TBXA2R: variants seen among roughly 807,000 people sequenced by gnomAD.
The protein encoded by TBXA2R is prostanoid TP receptor.
A neutral mutation model predicts 15.6 loss-of-function variants in TBXA2R; 15 were observed. The ratio of observed to expected loss-of-function variants is 0.96; its 90% CI spans 0.64 to 1.48. The LOEUF (loss-of-function observed/expected upper bound fraction) is 1.48. Ranked by LOEUF, TBXA2R falls within the 40% of genes most tolerant of loss-of-function variation. The probability of loss-of-function intolerance (pLI) is 0.00; values close to 1 mark genes in which losing one functional copy is unlikely to be tolerated. For synonymous variants in TBXA2R, 280 were observed against 241.2 expected (o/e 1.16, Z -1.49); for missense variants, 506 against 491.4 (o/e 1.03, Z -0.28).
At position 3,595,787 on chromosome 19, in the gene TBXA2R, G is replaced by C; in HGVS notation, c.933C>G (p.Phe311Leu). The change falls in exon 3 of 3, where the codon TTC becomes TTG. Residue 311 changes from phenylalanine to leucine, a missense_variant. By Grantham distance (22) the Phe-to-Leu change is conservative. Transcript: ENST00000375190. ...QILDPWVYIL[F>L]RRAVLRRLQP... is the part of the protein sequence containing the mutation. ...GGAGACGCCGGAGCACGGCGCGGCGGAACAGGATATACACCCAGGGGTCCA... is the reference window on the plus strand; with the variant it reads ...GGAGACGCCGGAGCACGGCGCGGCGCAACAGGATATACACCCAGGGGTCCA... 1.9e-6 allele frequency: 3 copies of C among 1,610,846 alleles called. No individual in the cohort carries two copies. The highest frequency in any genetic ancestry group is 2.5e-6 in the Non-Finnish European group (3 of 1,178,978).
chr19:3,605,420 C>G (rs1038319907), intron 1 of TBXA2R, among the ~76,000 whole-genome samples: 1 of 151,390 alleles, frequency 6.6e-6, no homozygotes, highest in African/African-American at 2.4e-5. Context: ...AGAAACACAG[C>G]AGGCAGACGC....
intron 1 of TBXA2R, among the ~76,000 whole-genome samples, chr19:3,602,851 A>C (rs996199196): frequency 2.0e-5 from 3 of 151,544 alleles, no homozygotes; most frequent in African/African-American, 7.3e-5. Flanking sequence ...CCTGGCTAAC[A>C]CGGTGAAACC....
intron 1 of TBXA2R, among the ~76,000 whole-genome samples, chr19:3,602,175 C>T (rs781325857): frequency 6.6e-6 from 1 of 151,878 alleles, no homozygotes; most frequent in Non-Finnish European, 1.5e-5. Context: ...GAGCTGAGAT[C>T]GTGCCACTGC....
At chr19:3,595,998 C>A in intron 2 of TBXA2R, 65 bp from the exon 3 acceptor site, 1 of 1,544,986 alleles carries the variant, frequency 6.5e-7, no homozygotes, top group Non-Finnish European at 8.7e-7. Flanking sequence ...GGTCCCTGCC[C>A]GGGGTCCCTT....
In TBXA2R at chr19:3,599,954, G is replaced by A. The variant is rs779235776; in HGVS notation, c.681C>T (p.His227=). 4 of 1,575,372 alleles carry A rather than the reference G, an allele frequency of 2.5e-6. No homozygotes were observed. The highest frequency in any genetic ancestry group is 3.4e-6 in the Non-Finnish European group (4 of 1,161,964). Residue 227 remains histidine, a synonymous_variant, in exon 2 of 3, where the codon CAC becomes CAT. Transcript: ENST00000375190. ...GACGCTGCTGGGCCGCCTCCTGCCC[G>A]TGGTAGACGTGGCACAGGGTGGCCA... ...VSVATLCHVY[H]GQEAAQQRPR...
Position 3,600,340 on chromosome 19 carries a change from C to CCACGGCGTGCCACTCGAAGAG in TBXA2R, c.274_294dup (p.Leu92_Val98dup). The CCACGGCGTGCCACTCGAAGAG allele has an allele frequency of 2.5e-6, 4 of 1,613,262 alleles. No homozygotes were observed. Among genetic ancestry groups the CCACGGCGTGCCACTCGAAGAG allele is most frequent in the Non-Finnish European group, 3.4e-6 (4 of 1,179,842 alleles). On this transcript the variant is annotated inframe_insertion, in exon 2 of 3. Transcript: ENST00000375190. Reference sequence around the variant, plus strand: ...AAGCGACAGAGACGGCAGCCAGGGTCCACGGCGTGCCACTCGAAGAGCGCG... The same window carrying CCACGGCGTGCCACTCGAAGAG: ...AAGCGACAGAGACGGCAGCCAGGGTCCACGGCGTGCCACTCGAAGAGCACGGCGTGCCACTCGAAGAGCGCG...
chr19:3,603,023 G>C (rs1251306969), intron 1 of TBXA2R, among the ~76,000 whole-genome samples: 4 of 146,416 alleles, frequency 2.7e-5, no homozygotes, highest in Non-Finnish European at 4.6e-5. Flanking sequence ...GCGACAGAGC[G>C]AGACTCCATC....
At chr19:3,605,597 CAGAT>C (rs757506955) in intron 1 of TBXA2R, among the ~76,000 whole-genome samples, 57 of 151,808 alleles carry the variant, frequency 3.8e-4, no homozygotes, top group African/African-American at 8.0e-4. Flanking sequence ...CAGACACACA[CAGAT>C]AGACACACAC....
At chr19:3,602,753 T>G in intron 1 of TBXA2R, among the ~76,000 whole-genome samples, 1 of 97,010 alleles carries the variant, frequency 1.0e-5, no homozygotes, top group South Asian at 3.0e-4. Context: ...AGAGCAAAAC[T>G]CCGTCTCAAA....
Position 3,599,981 on chromosome 19 carries a change from G to T in TBXA2R, c.654C>A (p.Ser218Arg). Reference protein sequence around the residue: ...VGLSFLLNTVSVATLCHVYHG... With the variant: ...VGLSFLLNTVRVATLCHVYHG... ...GGTAGACGTGGCACAGGGTGGCCAC[G>T]CTGACCGTGTTCAGCAGGAAGGACA... Residue 218 changes from serine (S) to arginine (R), a missense_variant, in exon 2 of 3, where the codon AGC (serine) becomes AGA (arginine). Transcript: ENST00000375190. The T allele has an allele frequency of 6.2e-7, 1 of 1,601,980 alleles. No homozygotes were observed. Among genetic ancestry groups the T allele is most frequent in the Non-Finnish European group, 8.5e-7 (1 of 1,175,148 alleles).
chr19:3,598,331 TC>T (rs2032641228), intron 2 of TBXA2R, among the ~76,000 whole-genome samples: 2 of 149,486 alleles, frequency 1.3e-5, no homozygotes, highest in African/African-American at 2.5e-5. Context: ...TTCTTTTCTT[TC>T]TTTCTTTCTT....
intron 1 of TBXA2R, among the ~76,000 whole-genome samples, chr19:3,605,895 C>T (rs1039957302): frequency 1.7e-4 from 25 of 145,312 alleles, no homozygotes; most frequent in African/African-American, 2.4e-4. Flanking sequence ...GGCAGAAACA[C>T]GACAGACATA....
Position 3,595,444 on chromosome 19 carries a change from A to G in TBXA2R, c.*244T>C. The G allele has an allele frequency of 1.4e-6, 2 of 1,410,020 alleles. No homozygotes were observed. Among genetic ancestry groups the G allele is most frequent in the Non-Finnish European group, 1.8e-6 (2 of 1,086,946 alleles). The allele number at this position is 1,410,020 out of a possible 1,614,324, so 87.3% of individuals were successfully genotyped here. A position where few individuals can be genotyped will look rare whatever the true frequency, so the allele number is the denominator to read the frequency against. ...CATGCCCTTCCTGGGGTTGGGAGGGACGCAGAGAAGGGGTGGGAGCTCTGG... is the reference window on the plus strand; with the variant it reads ...CATGCCCTTCCTGGGGTTGGGAGGGGCGCAGAGAAGGGGTGGGAGCTCTGG... On this transcript the variant is annotated 3_prime_UTR_variant, in exon 3 of 3. Transcript: ENST00000375190.
intron 2 of TBXA2R, among the ~76,000 whole-genome samples, chr19:3,599,621 C>G (rs541921929): frequency 1.3e-5 from 2 of 152,194 alleles, no homozygotes; most frequent in East Asian, 3.9e-4. Context: ...TGAGCCACCA[C>G]GCCTGGCCTT....
At chr19:3,606,398 G>A (rs1485509196) in intron 1 of TBXA2R, 132 bp downstream of exon 1, 1 of 152,972 alleles carries the variant, frequency 6.5e-6, no homozygotes, top group Non-Finnish European at 1.5e-5. Flanking sequence ...GGGGACACCT[G>A]GCACCTGGCC....
chr19:3,599,074 A>G (rs2032658555), intron 2 of TBXA2R, among the ~76,000 whole-genome samples: 1 of 152,234 alleles, frequency 6.6e-6, no homozygotes, highest in African/African-American at 2.4e-5. Context: ...TTCAAATTTC[A>G]TCATCTATCC....
At chr19:3,601,913 C>A (rs57466064) in intron 1 of TBXA2R, among the ~76,000 whole-genome samples, 11 of 150,974 alleles carry the variant, frequency 7.3e-5, no homozygotes, top group Admixed American at 4.6e-4. Flanking sequence ...GACAACAGAG[C>A]GAGACTCCAT....
chr19:3,600,359 G>A lies in TBXA2R; in HGVS notation c.276C>T (p.Leu92=), dbSNP rs774670868. 2.5e-6 allele frequency: 4 copies of A among 1,613,266 alleles called. No homozygotes were observed. The highest frequency in any genetic ancestry group is 3.4e-6 in the Non-Finnish European group (4 of 1,179,826). The change falls in exon 2 of 3, where the codon CTC becomes CTT. Residue 92 remains leucine (L), a synonymous_variant. Coordinates refer to ENST00000375190, the MANE Select transcript of TBXA2R (RefSeq NM_001060.6). The part of the protein sequence containing the change: ...GTIVVSQHAA[L]FEWHAVDPGC... ...CAGGGTCCACGGCGTGCCACTCGAA[G>A]AGCGCGGCGTGCTGGGACACCACGA...
In TBXA2R at chr19:3,595,916, T is replaced by C; in HGVS notation, c.804A>G (p.Thr268=). Residue 268 remains threonine (T), a synonymous_variant, in exon 3 of 3, where the codon ACA becomes ACG. Transcript: ENST00000375190. ...TCATGGCAGGCGGGTTTCGCAGCAC[T>C]GTCTGGGCGATGAAGACCTGCAAAG... ...WLPLLVFIAQ[T]VLRNPPAMSP... The C allele has an allele frequency of 1.9e-6, 3 of 1,597,046 alleles. No homozygotes were observed. The highest frequency in any genetic ancestry group is 2.6e-6 in the Non-Finnish European group (3 of 1,172,930).
Sources: allele counts gnomAD v4.1 joint callset (sites outside exome capture counted in the v4.1 genomes callset), GRCh38; gene constraint gnomAD v4.1.1; transcripts MANE v1.5; gene names NCBI Gene and HGNC (gene_info 2026-07-23, HGNC 2026-07-21).